CACNA2D4: variants seen among roughly 807,000 people sequenced by gnomAD.
The protein encoded by CACNA2D4 is calcium voltage-gated channel auxiliary subunit alpha2delta 4, also known as voltage-dependent calcium channel subunit alpha-2/delta-4.
In CACNA2D4, 157 loss-of-function variants were observed where a neutral mutation model predicts 163.8. That is an observed-to-expected ratio of 0.96 (90% confidence interval 0.84 to 1.09). CACNA2D4 has a LOEUF of 1.09. Among genes scored for constraint, CACNA2D4 ranks in the 50% least tolerant of loss-of-function variants. The pLI, the probability that CACNA2D4 is intolerant of heterozygous loss-of-function variation, is 0.00. For missense variants in CACNA2D4, 1,410 were observed against 1,479.9 expected (o/e 0.95, Z 0.78); for synonymous variants, 598 against 586.9 (o/e 1.02, Z -0.27).
chr12:1,908,275 G>T (rs146779567), intron 4 of CACNA2D4, among the ~76,000 whole-genome samples: 3 of 152,346 alleles, frequency 2.0e-5, no homozygotes, highest in Non-Finnish European at 2.9e-5. Flanking sequence ...TGTCCTGACC[G>T]CTGCCTCAGT....
At chr12:1,861,151 G>A (rs1039988938) in intron 18 of CACNA2D4, among the ~76,000 whole-genome samples, 4 of 152,154 alleles carry the variant, frequency 2.6e-5, no homozygotes, top group African/African-American at 4.8e-5. Flanking sequence ...CTTTGATTTT[G>A]GAAACTGGAG....
At position 1,869,265 on chromosome 12, in the gene CACNA2D4, A is replaced by C. The variant is rs2154448989; in HGVS notation, c.1878+5339T>G. 6.6e-6 allele frequency among the ~76,000 whole-genome samples: 1 copy of C among 152,338 alleles called. No homozygotes were observed. On this transcript the variant is annotated intron_variant, in intron 18 of 37. Coordinates refer to ENST00000382722, the MANE Select transcript of CACNA2D4 (RefSeq NM_172364.5). This position sits in a 1 kb window ranked among gnomAD's most constrained non-coding sequence, Gnocchi z 4.7. Reference sequence around the variant, plus strand: ...AGTGTGTGTGAGATTTGCAGACAGAAGTGCAGCAGTAGCCGTTTTGCACAC... The same window carrying C: ...AGTGTGTGTGAGATTTGCAGACAGACGTGCAGCAGTAGCCGTTTTGCACAC...
intron 35 of CACNA2D4, among the ~76,000 whole-genome samples, chr12:1,796,259 C>A (rs973269716): frequency 6.6e-6 from 1 of 152,324 alleles, no homozygotes; most frequent in Non-Finnish European, 1.5e-5. Context: ...GGGCGGAGCC[C>A]GCCCGCCAGG....
At chr12:1,808,165 C>T (rs1863601320) in intron 29 of CACNA2D4, among the ~76,000 whole-genome samples, 1 of 152,028 alleles carries the variant, frequency 6.6e-6, no homozygotes, top group Non-Finnish European at 1.5e-5. Flanking sequence ...CCTGGAGGGA[C>T]CCTGGAGAGG....
intron 6 of CACNA2D4, among the ~76,000 whole-genome samples, chr12:1,896,541 GA>G (rs1866404502): frequency 6.6e-6 from 1 of 151,324 alleles, no homozygotes; most frequent in Non-Finnish European, 1.5e-5. Context: ...CACGAATCAC[GA>G]GGGAAATGCA....
At chr12:1,800,306 G>T in intron 32 of CACNA2D4, 80 bp downstream of exon 32, 1 of 1,474,602 alleles carries the variant, frequency 6.8e-7, no homozygotes, top group Non-Finnish European at 9.5e-7. Flanking sequence ...TGGAGACCTT[G>T]CAGCCTCCTG....
rs1863208574 is a variant in CACNA2D4 at position 1,798,672 on chromosome 12, A to G, written c.2995+1003T>C. Among the ~76,000 whole-genome samples the G allele has an allele frequency of 1.3e-5, 2 of 152,186 alleles. No individual in the cohort carries two copies. The highest frequency in any genetic ancestry group is 2.1e-4 in the South Asian group (1 of 4,836). On this transcript the variant is annotated intron_variant, in intron 34 of 37. Coordinates refer to ENST00000382722, the MANE Select transcript of CACNA2D4 (RefSeq NM_172364.5). The surrounding 1 kb of genome is among the most constrained non-coding windows in gnomAD (Gnocchi z 4.3). Reference sequence around the variant, plus strand: ...GTGCGCCTTCACTGGGGACACTGACATCTGTGTAGGCCAGACCAGGGGGAG... The same window carrying G: ...GTGCGCCTTCACTGGGGACACTGACGTCTGTGTAGGCCAGACCAGGGGGAG...
At chr12:1,795,217 C>T in intron 37 of CACNA2D4, 82 bp downstream of exon 37, 2 of 1,303,912 alleles carry the variant, frequency 1.5e-6, no homozygotes, top group Non-Finnish European at 1.1e-6. Flanking sequence ...CCTATATGCT[C>T]CTGTCTGCAG....
chr12:1,844,611 T>G lies in CACNA2D4; in HGVS notation c.2343-82A>C. ...TTTCCTTTTCTCACACAAGGTCAAC[T>G]TGGCTGGGCTAAGAGAGTGATTTTA... On this transcript the variant is annotated intron_variant, in intron 24 of 37. Transcript: ENST00000382722. The surrounding 1 kb of genome is among the most constrained non-coding windows in gnomAD (Gnocchi z 4.2). The G allele has an allele frequency of 6.7e-7, 1 of 1,482,946 alleles. No individual in the cohort carries two copies. Among genetic ancestry groups the G allele is most frequent in the Non-Finnish European group, 9.2e-7 (1 of 1,082,526 alleles). The allele number at this position is 1,482,946 out of a possible 1,614,324, so 91.9% of individuals were successfully genotyped here.
chr12:1,879,685 T>C, intron 14 of CACNA2D4, 119 bp downstream of exon 14: 1 of 819,056 alleles, frequency 1.2e-6, no homozygotes, highest in Non-Finnish European at 2.0e-6. Context: ...GAAATCTGCA[T>C]TCAAACCCTC....
At chr12:1,907,707 G>A (rs1369813731) in intron 5 of CACNA2D4, 136 bp from the exon 6 acceptor site, 1 of 1,181,862 alleles carries the variant, frequency 8.5e-7, no homozygotes. Context: ...CCTGGTGGGC[G>A]TGTCTGGTGG....
intron 2 of CACNA2D4, among the ~76,000 whole-genome samples, chr12:1,914,200 G>A (rs1361955324): frequency 6.6e-6 from 1 of 152,234 alleles, no homozygotes; most frequent in Non-Finnish European, 1.5e-5. Flanking sequence ...TGAATTGGTG[G>A]TGGGAATGAA....
At chr12:1,879,667 C>A (rs753447885) in intron 14 of CACNA2D4, 137 bp downstream of exon 14, 1 of 712,998 alleles carries the variant, frequency 1.4e-6, no homozygotes, top group Non-Finnish European at 2.5e-6. Context: ...TACTCTGGGA[C>A]AGGCCTGGAA....
intron 24 of CACNA2D4, among the ~76,000 whole-genome samples, chr12:1,846,363 C>G (rs1282779805): frequency 6.6e-6 from 1 of 150,914 alleles, no homozygotes; most frequent in East Asian, 1.9e-4. Flanking sequence ...GAAGGGTTGC[C>G]TTTCCCACTG....
rs747004809 is a variant in CACNA2D4, at chr12:1,834,564, G to T, written c.2551+6175C>A. ...GTGATCATTGCAGGGGTCGTGTGCG[G>T]CGTCGTCTGCATCATGATGGTGGTG... On this transcript the variant is annotated intron_variant, in intron 26 of 37. Coordinates refer to ENST00000382722, the MANE Select transcript of CACNA2D4 (RefSeq NM_172364.5). The surrounding 1 kb of genome is among the most constrained non-coding windows in gnomAD (Gnocchi z 7.6). 9 of 1,601,792 alleles carry T rather than the reference G, an allele frequency of 5.6e-6. No homozygotes were observed. The highest frequency in any genetic ancestry group is 4.5e-5 in the East Asian group (2 of 44,878).
Position 1,874,659 on chromosome 12 carries a change from A to G in CACNA2D4, c.1823T>C (p.Ile608Thr), listed in dbSNP as rs765836597. Reference protein sequence around the residue: ...DQAESLRTAMINRETGTLSMD... With the variant: ...DQAESLRTAMTNRETGTLSMD... ...CGAGAGAGTACCTGTTTCCCTATTG[A>G]TCATGGCTGTTCTCAGCTTCAGGAG... Residue 608 changes from isoleucine (I) to threonine (T), a missense_variant, in exon 18 of 38, where the codon ATC (isoleucine) becomes ACC (threonine). By Grantham distance (89) the Ile-to-Thr change is moderately conservative. Transcript: ENST00000382722. The surrounding 1 kb of genome is among the most constrained non-coding windows in gnomAD (Gnocchi z 4.4). The G allele has an allele frequency of 1.1e-5, 17 of 1,612,708 alleles. No homozygotes were observed. In the South Asian group the frequency reaches 1.8e-4, roughly 17 times the overall value.
Position 1,846,651 on chromosome 12 carries a change from G to A in CACNA2D4, c.2285C>T (p.Thr762Ile). 6.2e-7 allele frequency: 1 copy of A among 1,604,374 alleles called. No homozygotes were observed. The highest frequency in any genetic ancestry group is 1.1e-5 in the South Asian group (1 of 89,306). Residue 762 changes from threonine to isoleucine, a missense_variant, in exon 24 of 38, where the codon ACC becomes ATC. Transcript: ENST00000382722. ...GCTGCTTCTCAGGAGGCCAGCCCGG[G>A]TGCCCAGGAAGGCCATGTCCACCAC... ...EHVVDMAFLG[T>I]RAGLLRSSLF...
In CACNA2D4 at chr12:1,795,359, G is replaced by A. The variant is rs2154444967; in HGVS notation, c.3249C>T (p.Asp1083=). ...EVKYNASVKC[D]RMRSQKLRRR... The stretch of plus-strand genomic sequence containing the variant: ...GGCGGAGCTTCTGGGAGCGCATCCG[G>A]TCACATTTGACAGAGGCATTATGTG... The change falls in exon 37 of 38, where the codon GAC becomes GAT. Residue 1083 remains aspartate (D), a synonymous_variant. Transcript: ENST00000382722. The A allele has an allele frequency of 1.2e-5, 20 of 1,612,058 alleles. No homozygotes were observed. Among genetic ancestry groups the A allele is most frequent in the Non-Finnish European group, 1.7e-5 (20 of 1,179,832 alleles).
In CACNA2D4 at chr12:1,884,407, G is replaced by T. The variant is rs554004183; in HGVS notation, c.1273-86C>A. 4.6e-6 allele frequency: 5 copies of T among 1,083,862 alleles called. No homozygotes were observed. The African/African-American group carries it at 6.2e-5, about 13-fold the overall frequency. The allele number at this position is 1,083,862 out of a possible 1,614,324, so 67.1% of individuals were successfully genotyped here. On this transcript the variant is annotated intron_variant, in intron 11 of 37. Coordinates refer to ENST00000382722, the MANE Select transcript of CACNA2D4 (RefSeq NM_172364.5). ...ATTGTTTATATGAGTCTTAGATGTT[G>T]GCCCCAGTGCCTCTCAGTCTTCGGG...
Sources: gnomAD v4.1 joint callset for allele counts (sites outside exome capture counted in the v4.1 genomes callset) on GRCh38, gnomAD v4.1.1 for gene constraint, Gnocchi (gnomAD v3.1) non-coding constraint, MANE v1.5 for transcripts, NCBI Gene and HGNC (gene_info 2026-07-23, HGNC 2026-07-21) for gene names.